Variants in SGCZ observed in about 807,000 individuals in gnomAD.
SGCZ encodes the protein sarcoglycan zeta, also known as zeta-sarcoglycan.
SGCZ carries 40 observed loss-of-function variants against 41.3 expected under a neutral mutation model. The observed-to-expected ratio is 0.97, with a 90% CI of 0.75 to 1.26. The LOEUF (loss-of-function observed/expected upper bound fraction) is 1.26. Among genes scored for constraint, SGCZ ranks in the 50% most tolerant of loss-of-function variants. SGCZ has a pLI of 0.00. For synonymous variants in SGCZ, 206 were observed against 137.5 expected, an observed-to-expected ratio of 1.50 and a Z score of -3.49; for missense variants, 552 against 369.8, an observed-to-expected ratio of 1.49 and a Z score of -4.04.
At chr8:14,581,075 G>A (rs968622580) in intron 1 of SGCZ, among the ~76,000 whole-genome samples, 2 of 152,118 alleles carry the variant, frequency 1.3e-5, no homozygotes, top group South Asian at 2.1e-4. Context: ...CTAAGGAAGA[G>A]GTTGTCTCGT....
At chr8:14,155,612 T>A (rs1203395737) in intron 5 of SGCZ, among the ~76,000 whole-genome samples, 1 of 151,818 alleles carries the variant, frequency 6.6e-6, no homozygotes, top group Non-Finnish European at 1.5e-5. Flanking sequence ...TAGTTGGCAT[T>A]CTATAGTAAA....
At chr8:14,676,248 G>C (rs536217415) in intron 1 of SGCZ, among the ~76,000 whole-genome samples, 12 of 152,008 alleles carry the variant, frequency 7.9e-5, no homozygotes, top group Non-Finnish European at 1.6e-4. Flanking sequence ...AATGCAGAAG[G>C]ATCTCTTAAG....
chr8:15,100,847 G>T (rs1806583398), intron 1 of SGCZ, among the ~76,000 whole-genome samples: 1 of 151,960 alleles, frequency 6.6e-6, no homozygotes. Flanking sequence ...AAATTAGTTG[G>T]GCATGGTGGC....
At chr8:14,409,105 G>C (rs1184785489) in intron 2 of SGCZ, among the ~76,000 whole-genome samples, 1 of 151,856 alleles carries the variant, frequency 6.6e-6, no homozygotes, top group Non-Finnish European at 1.5e-5. Flanking sequence ...AGTAAGTGTA[G>C]GATTATTTAA....
chr8:14,343,730 G>A (rs1427311199), intron 2 of SGCZ, among the ~76,000 whole-genome samples: 1 of 152,112 alleles, frequency 6.6e-6, no homozygotes, highest in Admixed American at 6.5e-5. Flanking sequence ...GAATCACAGT[G>A]TCATGTCATC....
At chr8:14,239,050 G>T (rs1806874386) in intron 3 of SGCZ, among the ~76,000 whole-genome samples, 1 of 151,324 alleles carries the variant, frequency 6.6e-6, no homozygotes. Context: ...TTCCATAGGT[G>T]TAACTACCTA....
intron 1 of SGCZ, among the ~76,000 whole-genome samples, chr8:15,005,828 C>A (rs1374210438): frequency 6.6e-6 from 1 of 152,060 alleles, no homozygotes; most frequent in Non-Finnish European, 1.5e-5. Context: ...TAGTTCTGAC[C>A]TTATAAGGTT....
Position 14,949,782 on chromosome 8 carries a change from G to A in SGCZ, c.39+287803C>T, listed in dbSNP as rs565613960. Among the ~76,000 whole-genome samples, 326 of 152,110 alleles carry A rather than the reference G, an allele frequency of 2.1e-3. 1 individual carries two copies. Among genetic ancestry groups the A allele is most frequent in the African/African-American group, 7.4e-3 (309 of 41,530 alleles). ...AAGTTTTGTTTTGCTCTATAATTGT[G>A]ATCAATAAAACCAAGGCAGATGAGA... On this transcript the variant is annotated intron_variant, in intron 1 of 7. Transcript: ENST00000382080.
At chr8:14,114,670 A>G (rs1443348269) in intron 5 of SGCZ, among the ~76,000 whole-genome samples, 1 of 152,034 alleles carries the variant, frequency 6.6e-6, no homozygotes, top group East Asian at 1.9e-4. Flanking sequence ...AGGAAAATGC[A>G]TTAAAATAAA....
At chr8:14,861,693 G>A (rs1390558533) in intron 1 of SGCZ, among the ~76,000 whole-genome samples, 2 of 151,934 alleles carry the variant, frequency 1.3e-5, no homozygotes, top group African/African-American at 4.8e-5. Flanking sequence ...TCTCCTGCTT[G>A]AACAAGTGGT....
intron 2 of SGCZ, among the ~76,000 whole-genome samples, chr8:14,376,625 T>C (rs1804140970): frequency 6.6e-6 from 1 of 152,118 alleles, no homozygotes; most frequent in African/African-American, 2.4e-5. Context: ...ACATAAGTTG[T>C]TCCAGAGCAT....
At chr8:14,701,892 G>T (rs866453026) in intron 1 of SGCZ, among the ~76,000 whole-genome samples, 32 of 151,772 alleles carry the variant, frequency 2.1e-4, no homozygotes, top group African/African-American at 7.5e-4. Flanking sequence ...AAAATATGTG[G>T]AAATAGTATC....
At chr8:14,648,491 T>C (rs1337388762) in intron 1 of SGCZ, among the ~76,000 whole-genome samples, 1 of 152,206 alleles carries the variant, frequency 6.6e-6, no homozygotes, top group East Asian at 1.9e-4. Flanking sequence ...TTGTGACATG[T>C]TAAGATGAAT....
At chr8:14,591,908 G>A (rs1805253775) in intron 1 of SGCZ, among the ~76,000 whole-genome samples, 1 of 151,998 alleles carries the variant, frequency 6.6e-6, no homozygotes, top group African/African-American at 2.4e-5. Flanking sequence ...TTACTACAGG[G>A]ACTTCATTAC....
intron 1 of SGCZ, among the ~76,000 whole-genome samples, chr8:14,876,566 C>G (rs146180631): frequency 6.6e-6 from 1 of 152,120 alleles, no homozygotes; most frequent in Non-Finnish European, 1.5e-5. Flanking sequence ...ACACTTTAAA[C>G]GGGTAAATTT....
At position 14,683,506 on chromosome 8, in the gene SGCZ, T is replaced by G. The variant is rs369782262; in HGVS notation, c.40-128580A>C. 1.8e-3 allele frequency among the ~76,000 whole-genome samples: 267 copies of G among 152,248 alleles called. 2 individuals carry two copies. The South Asian group carries it at 0.021, about 12-fold the overall frequency. On this transcript the variant is annotated intron_variant, in intron 1 of 7. Coordinates refer to ENST00000382080, the MANE Select transcript of SGCZ (RefSeq NM_139167.4). ...TATGAACTCTTTGTCATGATTAACTTGAAACACACAATGTAAATAACTTCT... is the reference window on the plus strand; with the variant it reads ...TATGAACTCTTTGTCATGATTAACTGGAAACACACAATGTAAATAACTTCT...
At chr8:14,243,700 T>A (rs1250550601) in intron 3 of SGCZ, among the ~76,000 whole-genome samples, 1 of 152,150 alleles carries the variant, frequency 6.6e-6, no homozygotes, top group Admixed American at 6.5e-5. Flanking sequence ...AGGCCTGAAA[T>A]TCTTATCCAT....
chr8:14,154,626 A>G (rs998418825), intron 5 of SGCZ, among the ~76,000 whole-genome samples: 1 of 152,204 alleles, frequency 6.6e-6, no homozygotes, highest in African/African-American at 2.4e-5. Context: ...ATTCTTTGGG[A>G]CCTCATTCAA....
intron 4 of SGCZ, among the ~76,000 whole-genome samples, chr8:14,218,977 G>C (rs1291623673): frequency 6.6e-6 from 1 of 152,220 alleles, no homozygotes; most frequent in African/African-American, 2.4e-5. Context: ...AACGTTGACC[G>C]TTCTATGGTT....
Sources: gnomAD v4.1 joint callset for allele counts (sites outside exome capture counted in the v4.1 genomes callset) on GRCh38, gnomAD v4.1.1 for gene constraint, MANE v1.5 for transcripts, NCBI Gene and HGNC (gene_info 2026-07-23, HGNC 2026-07-21) for gene names.